The following TMEM126A variants were observed in gnomAD, a reference collection of about 807,000 sequenced individuals.
TMEM126A encodes the protein transmembrane protein 126A.
Under a neutral mutation model 18.3 loss-of-function variants are expected in TMEM126A, and 10 were observed. That is an observed-to-expected ratio of 0.55 (90% confidence interval 0.34 to 0.93). The LOEUF (loss-of-function observed/expected upper bound fraction) is 0.93. Ranked by LOEUF, TMEM126A falls within the 40% of genes least tolerant of loss-of-function variation. The pLI, the probability that TMEM126A is intolerant of heterozygous loss-of-function variation, is 0.02. For missense variants in TMEM126A, 246 were observed against 230.2 expected, an observed-to-expected ratio of 1.07 and a Z score of -0.44; for synonymous variants, 68 against 78.1, an observed-to-expected ratio of 0.87 and a Z score of 0.68.
At chr11:85,651,478 C>T (rs2082499366) in intron 2 of TMEM126A, among the ~76,000 whole-genome samples, 1 of 152,182 alleles carries the variant, frequency 6.6e-6, no homozygotes, top group Admixed American at 6.5e-5. Flanking sequence ...AAAAATGGCA[C>T]AGTAATCCTG....
chr11:85,650,386 T>C (rs1413436070), intron 2 of TMEM126A, 45 bp downstream of exon 2: 2 of 1,322,624 alleles, frequency 1.5e-6, no homozygotes, highest in Admixed American at 1.7e-5. Context: ...TCAGGTGGAT[T>C]TTCACCATTG....
chr11:85,655,497 A>G, intron 3 of TMEM126A, 97 bp from the exon 4 acceptor site: 1 of 926,274 alleles, frequency 1.1e-6, no homozygotes, highest in Non-Finnish European at 1.8e-6. Context: ...TATTACCTGA[A>G]AAATACCTGT....
chr11:85,656,358 A>C lies in TMEM126A; in HGVS notation c.445A>C (p.Ile149Leu). The C allele has an allele frequency of 6.2e-7, 1 of 1,612,720 alleles. No homozygotes were observed. Among genetic ancestry groups the C allele is most frequent in the Non-Finnish European group, 8.5e-7 (1 of 1,179,550 alleles). Residue 149 changes from isoleucine (I) to leucine (L), a missense_variant, in exon 5 of 5, where the codon ATT becomes CTT. By Grantham distance (5) the Ile-to-Leu change is conservative. Transcript: ENST00000304511. ...CAAAGGGAACATCTTAAGTTACTGG[A>C]TTAGAACTTCTAAGCCTGTCTTTAG... ...PHKGNILSYW[I>L]RTSKPVFRKM... is the part of the protein sequence containing the mutation.
chr11:85,648,968 GCT>G (rs977440325), intron 1 of TMEM126A, among the ~76,000 whole-genome samples: 1 of 133,956 alleles, frequency 7.5e-6, no homozygotes, highest in African/African-American at 2.9e-5. Context: ...ACCGAGTCTC[GCT>G]CTCACCCAGG....
At chr11:85,651,593 C>T (rs1014715413) in intron 2 of TMEM126A, among the ~76,000 whole-genome samples, 1 of 152,064 alleles carries the variant, frequency 6.6e-6, no homozygotes, top group Non-Finnish European at 1.5e-5. Context: ...AGAAACTGAA[C>T]AAATCCCCAT....
chr11:85,655,532 TC>T, intron 3 of TMEM126A, 61 bp from the exon 4 acceptor site: 1 of 1,207,736 alleles, frequency 8.3e-7, no homozygotes. Context: ...GATCTTACAT[TC>T]TTTAAATCAT....
intron 2 of TMEM126A, among the ~76,000 whole-genome samples, chr11:85,651,649 G>A (rs764436576): frequency 1.4e-4 from 22 of 151,908 alleles, no homozygotes; most frequent in Non-Finnish European, 2.5e-4. Context: ...CATAAATCAA[G>A]ACCAGTAGTG....
intron 1 of TMEM126A, 28 bp downstream of exon 1, chr11:85,648,117 A>AC: frequency 6.6e-6 from 1 of 152,514 alleles, no homozygotes; most frequent in Middle Eastern, 3.4e-3. Flanking sequence ...GAGGGGGTGA[A>AC]GTAAATGTCC....
At chr11:85,649,776 G>A (rs2082486302) in intron 1 of TMEM126A, among the ~76,000 whole-genome samples, 1 of 152,102 alleles carries the variant, frequency 6.6e-6, no homozygotes, top group Non-Finnish European at 1.5e-5. Context: ...ATGTTTATTG[G>A]CCATTTAACT....
rs991954040 is a variant in TMEM126A, at chr11:85,656,362, G to A, written c.449G>A (p.Arg150Lys). The change falls in exon 5 of 5, where the codon AGA (arginine) becomes AAA (lysine). Residue 150 changes from arginine (R) to lysine (K), a missense_variant. By Grantham distance (26) the Arg-to-Lys change is conservative (BLOSUM62 2). Transcript: ENST00000304511. ...HKGNILSYWIRTSKPVFRKML... is the reference protein window; with the variant it reads ...HKGNILSYWIKTSKPVFRKML... The stretch of plus-strand genomic sequence containing the variant: ...GGGAACATCTTAAGTTACTGGATTA[G>A]AACTTCTAAGCCTGTCTTTAGAAAG... 17 of 1,612,730 alleles carry A rather than the reference G, an allele frequency of 1.1e-5. No individual in the cohort carries two copies. In the South Asian group the frequency reaches 1.9e-4, roughly 18 times the overall value.
chr11:85,651,530 G>A (rs1342711696), intron 2 of TMEM126A, among the ~76,000 whole-genome samples: 2 of 152,192 alleles, frequency 1.3e-5, no homozygotes, highest in African/African-American at 2.4e-5. Flanking sequence ...GAGATGAAAA[G>A]AGGATGCATT....
chr11:85,655,125 A>C (rs1405746817), intron 3 of TMEM126A, among the ~76,000 whole-genome samples: 1 of 152,188 alleles, frequency 6.6e-6, no homozygotes, highest in African/African-American at 2.4e-5. Context: ...TAAAAATATT[A>C]CCATGGGTGC....
intron 1 of TMEM126A, among the ~76,000 whole-genome samples, 155 bp downstream of exon 1, chr11:85,648,244 G>C (rs570280252): frequency 1.6e-4 from 24 of 152,334 alleles, no homozygotes; most frequent in African/African-American, 5.5e-4. Flanking sequence ...TTGCACTCTA[G>C]AAGGAAAGAC....
intron 2 of TMEM126A, among the ~76,000 whole-genome samples, chr11:85,653,069 T>C (rs2082513425): frequency 6.6e-6 from 1 of 152,182 alleles, no homozygotes; most frequent in Admixed American, 6.5e-5. Context: ...TGTACCACCA[T>C]TACCATTTTC....
Position 85,654,192 on chromosome 11 carries a change from A to G in TMEM126A, c.216A>G (p.Ala72=), listed in dbSNP as rs1218611298. ...GCATAGCTGCTGGCTTACCAATGGC[A>G]GGGATACCTTTTCTTACAACAGACT... is the stretch of plus-strand genomic sequence containing the variant. ...KARIAAGLPM[A]GIPFLTTDLT... The change falls in exon 3 of 5, where the codon GCA becomes GCG. Residue 72 remains alanine (A), a synonymous_variant. Transcript: ENST00000304511. The G allele has an allele frequency of 3.1e-6, 5 of 1,614,112 alleles. No homozygotes were observed. Among genetic ancestry groups the G allele is most frequent in the Non-Finnish European group, 3.4e-6 (4 of 1,180,050 alleles).
rs1439806789 is a variant in TMEM126A, at chr11:85,654,116, G to A, written c.140G>A (p.Gly47Asp). Reference sequence around the variant, plus strand: ...GTTGGATTAAATGCTGCTCTTTGTGGCCTCATAGCAAACAGTCTTTTTCGA... The same window carrying A: ...GTTGGATTAAATGCTGCTCTTTGTGACCTCATAGCAAACAGTCTTTTTCGA... Reference protein sequence around the residue: ...VYVGLNAALCGLIANSLFRRI... With the variant: ...VYVGLNAALCDLIANSLFRRI... The change falls in exon 3 of 5, where the codon GGC (glycine) becomes GAC (aspartate). Residue 47 changes from glycine (G) to aspartate (D), a missense_variant. Physicochemically the swap from Gly to Asp is moderately conservative, Grantham distance 94. Transcript: ENST00000304511. 2 of 1,614,028 alleles carry A rather than the reference G, an allele frequency of 1.2e-6. No homozygotes were observed. The highest frequency in any genetic ancestry group is 2.7e-5 in the African/African-American group (2 of 74,914).
chr11:85,656,242 T>C, intron 4 of TMEM126A, 67 bp from the exon 5 acceptor site: 1 of 1,344,328 alleles, frequency 7.4e-7, no homozygotes, highest in Non-Finnish European at 1.1e-6. Flanking sequence ...CTAATATGTA[T>C]CACAGATGGG....
At chr11:85,649,089 C>T (rs2082481797) in intron 1 of TMEM126A, among the ~76,000 whole-genome samples, 1 of 152,102 alleles carries the variant, frequency 6.6e-6, no homozygotes, top group Non-Finnish European at 1.5e-5. Context: ...CAGCTGCCGC[C>T]GTGCCTGGCT....
At position 85,650,283 on chromosome 11, in the gene TMEM126A, G is replaced by A. The variant is rs767056693; in HGVS notation, c.28G>A (p.Glu10Lys). ...GGAAAATCATAAATCCAATAATAAG[G>A]AAAACATAACAATTGTTGATATATC... Reference protein sequence around the residue: MENHKSNNKENITIVDISRK... With the variant: MENHKSNNKKNITIVDISRK... Residue 10 changes from glutamate to lysine, a missense_variant, in exon 2 of 5, where the codon GAA becomes AAA. By Grantham distance (56) the Glu-to-Lys change is moderately conservative. Coordinates refer to ENST00000304511, the MANE Select transcript of TMEM126A (RefSeq NM_032273.4). 1.9e-6 allele frequency: 3 copies of A among 1,604,236 alleles called. No individual in the cohort carries two copies. The highest frequency in any genetic ancestry group is 1.8e-4 in the Middle Eastern group (1 of 5,698).
Sources: allele counts gnomAD v4.1 joint callset (sites outside exome capture counted in the v4.1 genomes callset), GRCh38; gene constraint gnomAD v4.1.1; transcripts MANE v1.5; gene names NCBI Gene and HGNC (gene_info 2026-07-23, HGNC 2026-07-21).